The following TMX2 variants were observed in gnomAD, a reference collection of about 807,000 sequenced individuals.
TMX2 encodes thioredoxin related transmembrane protein 2.
Under a neutral mutation model 33.4 loss-of-function variants are expected in TMX2, and 20 were observed. The ratio of observed to expected loss-of-function variants is 0.60; its 90% CI spans 0.42 to 0.87. TMX2 has a LOEUF of 0.87. Among genes scored for constraint, TMX2 ranks in the 40% least tolerant of loss-of-function variants. TMX2 has a pLI of 0.00. For missense variants in TMX2, 340 were observed against 370.7 expected (o/e 0.92, Z 0.68); for synonymous variants, 166 against 140.7 (o/e 1.18, Z -1.27).
chr11:57,720,351 A>T (rs1220906878), intron 1 of TMX2, among the ~76,000 whole-genome samples: 1 of 152,226 alleles, frequency 6.6e-6, no homozygotes, highest in African/African-American at 2.4e-5. Flanking sequence ...TGGTACCAAT[A>T]ACGAATGAGT....
chr11:57,727,574 T>G (rs377614701), intron 1 of TMX2, among the ~76,000 whole-genome samples: 3 of 152,216 alleles, frequency 2.0e-5, no homozygotes, highest in Non-Finnish European at 2.9e-5. Context: ...TATTGTGACT[T>G]ACTTTCCTAT....
Position 57,740,516 on chromosome 11 carries a change from T to G in TMX2, c.*271T>G. The G allele has an allele frequency of 2.8e-6, 1 of 360,256 alleles. No individual in the cohort carries two copies. The highest frequency in any genetic ancestry group is 4.2e-5 in the South Asian group (1 of 23,826). 22.3% of individuals were successfully genotyped at this position (360,256 alleles called of 1,614,324 possible). A position where few individuals can be genotyped will look rare whatever the true frequency, so the allele number is the denominator to read the frequency against. On this transcript the variant is annotated 3_prime_UTR_variant, in exon 8 of 8. Transcript: ENST00000278422. ...GTTTCCCTCCAAGCTTGGGTCAGTG[T>G]GTTAACTGCTTATCAGCTATTCAGA... is the stretch of plus-strand genomic sequence containing the variant.
At chr11:57,727,517 A>G (rs903980445) in intron 1 of TMX2, among the ~76,000 whole-genome samples, 11 of 151,564 alleles carry the variant, frequency 7.3e-5, no homozygotes, top group African/African-American at 1.7e-4. Flanking sequence ...TCATGCCCTA[A>G]AAACCATAAA....
intron 7 of TMX2, 151 bp downstream of exon 7, chr11:57,739,411 C>G (rs776662501): frequency 5.4e-6 from 4 of 743,598 alleles, no homozygotes; most frequent in Non-Finnish European, 6.7e-6. Flanking sequence ...ATTCATTTAG[C>G]AAATATATAT....
At chr11:57,724,797 T>C (rs942442207) in intron 1 of TMX2, among the ~76,000 whole-genome samples, 2 of 152,004 alleles carry the variant, frequency 1.3e-5, no homozygotes, top group Admixed American at 6.6e-5. Context: ...CCCAGCACTT[T>C]GGGAGGCTGA....
intron 1 of TMX2, among the ~76,000 whole-genome samples, chr11:57,714,473 C>A (rs745704088): frequency 1.2e-4 from 19 of 152,084 alleles, no homozygotes; most frequent in Non-Finnish European, 1.9e-4. Context: ...AATCTATTTT[C>A]CTAGATTGTA....
chr11:57,721,021 T>TC (rs1555016805), intron 1 of TMX2, among the ~76,000 whole-genome samples: 155 of 151,724 alleles, frequency 1.0e-3, no homozygotes, highest in Non-Finnish European at 1.7e-3. Context: ...TTTTTTTTTT[T>TC]CCTCAGGCCA....
In TMX2 at chr11:57,738,729, C is replaced by G; in HGVS notation, c.507C>G (p.Asp169Glu). The G allele has an allele frequency of 1.2e-6, 2 of 1,614,142 alleles. No homozygotes were observed. The highest frequency in any genetic ancestry group is 8.5e-7 in the Non-Finnish European group (1 of 1,179,994). ...AGTTCTTTGCCAATTGGTCTAATGA[C>G]TGCCAATCATTTGCCCCTATCTATG... Reference protein sequence around the residue: ...IVEFFANWSNDCQSFAPIYAD... With the variant: ...IVEFFANWSNECQSFAPIYAD... Residue 169 changes from aspartate to glutamate, a missense_variant, in exon 5 of 8, where the codon GAC (aspartate) becomes GAG (glutamate). Coordinates refer to ENST00000278422, the MANE Select transcript of TMX2 (RefSeq NM_015959.4).
intron 1 of TMX2, among the ~76,000 whole-genome samples, chr11:57,726,473 T>C (rs931651143): frequency 6.6e-5 from 10 of 151,772 alleles, no homozygotes; most frequent in African/African-American, 2.2e-4. Context: ...TTTGGGTTTA[T>C]TGTTGGCTTT....
intron 1 of TMX2, among the ~76,000 whole-genome samples, chr11:57,721,011 T>TG (rs1001013893): frequency 6.6e-6 from 1 of 151,728 alleles, no homozygotes; most frequent in African/African-American, 2.4e-5. Context: ...ATAGCTGTTT[T>TG]TTTTTTTTTT....
intron 1 of TMX2, among the ~76,000 whole-genome samples, chr11:57,735,857 C>T (rs566823596): frequency 6.6e-6 from 1 of 152,296 alleles, no homozygotes; most frequent in East Asian, 1.9e-4. Flanking sequence ...TTCTCCTTAG[C>T]CTGGCCAGAT....
rs1304306424 is a variant in TMX2 at position 57,740,091 on chromosome 11, T to C, written c.745-8T>C. ...CCAGATCCTGACGTGTGCATCTCTT[T>C]TGTGCAGGAGAATGTGATCCGAGAA... On this transcript the variant is annotated splice_polypyrimidine_tract_variant and splice_region_variant and intron_variant, in intron 7 of 7. Transcript: ENST00000278422. 18 of 1,613,752 alleles carry C rather than the reference T, an allele frequency of 1.1e-5. No individual in the cohort carries two copies. The highest frequency in any genetic ancestry group is 1.5e-5 in the Non-Finnish European group (18 of 1,179,836).
chr11:57,719,537 T>A (rs1947438874), intron 1 of TMX2, among the ~76,000 whole-genome samples: 1 of 146,090 alleles, frequency 6.8e-6, no homozygotes, highest in Non-Finnish European at 1.5e-5. Context: ...TTTTTTTTTT[T>A]TGAGACAGGG....
chr11:57,739,039 G>A lies in TMX2; in HGVS notation c.614G>A (p.Arg205Gln), dbSNP rs370455806. 1.4e-5 allele frequency: 23 copies of A among 1,613,872 alleles called. No individual in the cohort carries two copies. Among genetic ancestry groups the A allele is most frequent in the South Asian group, 2.2e-5 (2 of 91,076 alleles). Residue 205 changes from arginine (R) to glutamine (Q), a missense_variant and splice_region_variant, in exon 6 of 8, where the codon CGG becomes CAG. Around this residue, in one of 3 missense-constraint regions of TMX2, gnomAD observed 209 missense variants for 241.6 expected, o/e 0.87. Transcript: ENST00000278422. ...DVGRYTDVSTRYKVSTSPLTK... is the reference protein window; with the variant it reads ...DVGRYTDVSTQYKVSTSPLTK... ...GGACGCTATACTGATGTTAGTACGC[G>A]GTATGTAAAGACCTGGGCAGAGGGT...
intron 7 of TMX2, 66 bp downstream of exon 7, chr11:57,739,326 C>A: frequency 6.4e-7 from 1 of 1,570,672 alleles, no homozygotes; most frequent in South Asian, 1.1e-5. Flanking sequence ...AAGCCCTACC[C>A]GGGTTTGATT....
intron 1 of TMX2, among the ~76,000 whole-genome samples, chr11:57,723,001 C>T (rs1947737180): frequency 6.6e-6 from 1 of 152,056 alleles, no homozygotes; most frequent in Admixed American, 6.6e-5. Context: ...ATCACAGCTA[C>T]TTGGGAGGCT....
At chr11:57,713,225 G>T (rs1946747563) in intron 1 of TMX2, among the ~76,000 whole-genome samples, 1 of 152,142 alleles carries the variant, frequency 6.6e-6, no homozygotes, top group African/African-American at 2.4e-5. Flanking sequence ...ATGGATCTCG[G>T]TATATTTAGG....
chr11:57,738,048 C>CT (rs751575175), intron 3 of TMX2, 22 bp downstream of exon 3: 70,639 of 1,203,048 alleles, frequency 0.059, 9 homozygotes, highest in East Asian at 0.087. Context: ...GCCTTTCTTT[C>CT]TTTTTTTTTT....
chr11:57,735,325 C>T (rs146568014), intron 1 of TMX2, among the ~76,000 whole-genome samples: 84 of 151,990 alleles, frequency 5.5e-4, no homozygotes, highest in African/African-American at 1.9e-3. Flanking sequence ...TCTTCTGCCT[C>T]AGCCTCCTGA....
Sources: gnomAD v4.1 joint callset for allele counts (sites outside exome capture counted in the v4.1 genomes callset) on GRCh38, gnomAD v4.1.1 for gene constraint, gnomAD v4.1.1 regional missense constraint, MANE v1.5 for transcripts, NCBI Gene and HGNC (gene_info 2026-07-23, HGNC 2026-07-21) for gene names.